Variants in NDUFA6 observed in about 807,000 individuals in gnomAD.
The protein encoded by NDUFA6 is NADH:ubiquinone oxidoreductase subunit A6.
In NDUFA6, 10 loss-of-function variants were observed where a neutral mutation model predicts 12.5. That is an observed-to-expected ratio of 0.80 (90% CI 0.49 to 1.35). The LOEUF (loss-of-function observed/expected upper bound fraction) is 1.35. Among genes scored for constraint, NDUFA6 ranks in the 40% most tolerant of loss-of-function variants. The pLI is 0.00. For missense variants in NDUFA6, 177 were observed against 173.5 expected, an observed-to-expected ratio of 1.02 and a Z score of -0.11; for synonymous variants, 66 against 63.0, an observed-to-expected ratio of 1.05 and a Z score of -0.23.
intron 1 of NDUFA6, among the ~76,000 whole-genome samples, chr22:42,090,306 G>A (rs950716251): frequency 2.6e-5 from 4 of 152,130 alleles, no homozygotes; most frequent in Non-Finnish European, 5.9e-5. Context: ...CGGTGCCTCC[G>A]CTGCCTCACC....
intron 2 of NDUFA6, among the ~76,000 whole-genome samples, chr22:42,086,781 A>C (rs1204427854): frequency 1.3e-5 from 2 of 152,182 alleles, no homozygotes; most frequent in Non-Finnish European, 2.9e-5. Context: ...TGAAGTGGTA[A>C]CTTCTAGGGA....
intron 1 of NDUFA6, among the ~76,000 whole-genome samples, chr22:42,088,004 A>C (rs1928372419): frequency 6.7e-6 from 1 of 149,012 alleles, no homozygotes; most frequent in South Asian, 2.2e-4. Flanking sequence ...GCTACTCGGG[A>C]GACTGAGGCA....
At chr22:42,089,327 A>AACACACAC (rs59418535) in intron 1 of NDUFA6, among the ~76,000 whole-genome samples, 3,743 of 147,204 alleles carry the variant, frequency 0.025, 61 homozygotes, top group South Asian at 0.039. Context: ...ACCACCCCGA[A>AACACACAC]ACACACACAC....
rs1928230397 is a variant in NDUFA6, at chr22:42,086,203, A to C, written c.367T>G (p.Tyr123Asp). ...TGACTTCATGGATCGTGGCCAACAT[A>C]GAACTTGGATAGGAAATCCTTTGGC... ...PRPKDFLSKF[Y>D]VGHDP Residue 123 changes from tyrosine to aspartate, a missense_variant, in exon 3 of 3, where the codon TAT becomes GAT. Transcript: ENST00000498737. 6.2e-7 allele frequency: 1 copy of C among 1,614,122 alleles called. No individual in the cohort carries two copies. The highest frequency in any genetic ancestry group is 1.3e-5 in the African/African-American group (1 of 74,938).
At chr22:42,086,553 A>G (rs1185385320) in intron 2 of NDUFA6, among the ~76,000 whole-genome samples, 1 of 152,214 alleles carries the variant, frequency 6.6e-6, no homozygotes, top group Non-Finnish European at 1.5e-5. Flanking sequence ...AGAAACATAC[A>G]GGTTAACAGG....
intron 1 of NDUFA6, among the ~76,000 whole-genome samples, chr22:42,088,785 T>G (rs140737524): frequency 1.8e-4 from 28 of 151,878 alleles, no homozygotes; most frequent in African/African-American, 6.3e-4. Context: ...TACTTAAAAT[T>G]TTACTTTTGT....
chr22:42,089,244 A>G (rs1192041018), intron 1 of NDUFA6, among the ~76,000 whole-genome samples: 1 of 151,884 alleles, frequency 6.6e-6, no homozygotes, highest in Non-Finnish European at 1.5e-5. Flanking sequence ...CTGCAACCAG[A>G]GAGGGTTCTG....
intron 1 of NDUFA6, 135 bp downstream of exon 1, chr22:42,090,471 C>A: frequency 9.0e-7 from 1 of 1,112,588 alleles, no homozygotes; most frequent in Non-Finnish European, 1.3e-6. Context: ...TCGGGTGACC[C>A]TCTTCCCCTG....
chr22:42,088,816 G>A (rs1221978076), intron 1 of NDUFA6, among the ~76,000 whole-genome samples: 1 of 150,198 alleles, frequency 6.7e-6, no homozygotes, highest in Non-Finnish European at 1.5e-5. Context: ...TGCTCAGGCT[G>A]TTCTAAGTTC....
At chr22:42,090,551 G>T (rs1027756316) in intron 1 of NDUFA6, 55 bp downstream of exon 1, 1 of 1,602,962 alleles carries the variant, frequency 6.2e-7, no homozygotes, top group Non-Finnish European at 8.5e-7. Flanking sequence ...CGGCCGGGCC[G>T]GCTACGACCT....
At chr22:42,086,414 G>C (rs1928254545) in intron 2 of NDUFA6, 100 bp from the exon 3 acceptor site, 1 of 1,512,764 alleles carries the variant, frequency 6.6e-7, no homozygotes, top group South Asian at 1.1e-5. Flanking sequence ...TGGACTTGTT[G>C]AATGACCTTG....
chr22:42,087,289 T>C, intron 1 of NDUFA6, 114 bp from the exon 2 acceptor site: 1 of 806,286 alleles, frequency 1.2e-6, no homozygotes, highest in Admixed American at 1.9e-5. Context: ...ACCAAAAAAT[T>C]AGCCTGACCC....
At chr22:42,087,452 T>C (rs575341483) in intron 1 of NDUFA6, 8 of 468,684 alleles carry the variant, frequency 1.7e-5, no homozygotes, top group Middle Eastern at 1.2e-3. Context: ...CCAGCTTTTG[T>C]TAGCTATATG....
At chr22:42,088,742 A>G (rs1490392481) in intron 1 of NDUFA6, among the ~76,000 whole-genome samples, 2 of 151,490 alleles carry the variant, frequency 1.3e-5, no homozygotes, top group Non-Finnish European at 2.9e-5. Context: ...AAAAAAAAAA[A>G]AGTGAGTTAT....
chr22:42,088,234 C>T (rs1188965670), intron 1 of NDUFA6, among the ~76,000 whole-genome samples: 2 of 148,752 alleles, frequency 1.3e-5, no homozygotes, highest in Admixed American at 6.7e-5. Flanking sequence ...GGTGAAACCC[C>T]GTCTCTACTA....
chr22:42,086,332 A>C lies in NDUFA6; in HGVS notation c.256-18T>G, dbSNP rs774686540. ...ATCTTTCCCTGAACAGTGAGGAGAG[A>C]GGTCATCAGTCAAAGTTGTCAAGTT... On this transcript the variant is annotated intron_variant, in intron 2 of 2. Transcript: ENST00000498737. 6.2e-7 allele frequency: 1 copy of C among 1,614,118 alleles called. No individual in the cohort carries two copies. Among genetic ancestry groups the C allele is most frequent in the South Asian group, 1.1e-5 (1 of 91,080 alleles).
chr22:42,086,793 G>A (rs1233996514), intron 2 of NDUFA6, among the ~76,000 whole-genome samples: 2 of 152,198 alleles, frequency 1.3e-5, no homozygotes, highest in Non-Finnish European at 2.9e-5. Context: ...TTCTAGGGAT[G>A]AGGTTCAAGA....
chr22:42,086,865 T>C (rs1775550753), intron 2 of NDUFA6, among the ~76,000 whole-genome samples, 195 bp downstream of exon 2: 1 of 152,240 alleles, frequency 6.6e-6, no homozygotes, highest in South Asian at 2.1e-4. Flanking sequence ...TCCCAGTGGA[T>C]GTTCCCTTGA....
At position 42,086,306 on chromosome 22, in the gene NDUFA6, G is replaced by T. The variant is rs754577802; in HGVS notation, c.264C>A (p.Ile88=). Reference sequence around the variant, plus strand: ...ATACTTTAATTGTTTCTTCCAGTTCGATCTTTCCCTGAACAGTGAGGAGAG... The same window carrying T: ...ATACTTTAATTGTTTCTTCCAGTTCTATCTTTCCCTGAACAGTGAGGAGAG... ...VVDLLVIKGK[I]ELEETIKVWK... Residue 88 remains isoleucine (I), a synonymous_variant, in exon 3 of 3, where the codon ATC becomes ATA. Coordinates refer to ENST00000498737, the MANE Select transcript of NDUFA6 (RefSeq NM_002490.6). 1 of 1,614,138 alleles carries T rather than the reference G, an allele frequency of 6.2e-7. No individual in the cohort carries two copies. Among genetic ancestry groups the T allele is most frequent in the Non-Finnish European group, 8.5e-7 (1 of 1,180,014 alleles).
Sources: allele counts gnomAD v4.1 joint callset (sites outside exome capture counted in the v4.1 genomes callset), GRCh38; gene constraint gnomAD v4.1.1; transcripts MANE v1.5; gene names NCBI Gene and HGNC (gene_info 2026-07-23, HGNC 2026-07-21).